Variants in PLBD2 observed in about 807,000 individuals in gnomAD.
The protein encoded by PLBD2 is putative aminopeptidase PLBD2.
Under a neutral mutation model 68.3 loss-of-function variants are expected in PLBD2, and 51 were observed. The ratio of observed to expected loss-of-function variants is 0.75; its 90% CI spans 0.60 to 0.94. The LOEUF is 0.94. PLBD2 is among the 40% of genes least tolerant of loss of function. The probability of loss-of-function intolerance (pLI) is 0.00; values close to 1 mark genes in which losing one functional copy is unlikely to be tolerated. For missense variants in PLBD2, 729 were observed against 792.2 expected (o/e 0.92, Z 0.96); for synonymous variants, 314 against 339.3 (o/e 0.93, Z 0.82).
At chr12:113,362,696 CCT>C (rs1480451196) in intron 1 of PLBD2, among the ~76,000 whole-genome samples, 1 of 151,822 alleles carries the variant, frequency 6.6e-6, no homozygotes, top group Non-Finnish European at 1.5e-5. Context: ...TTTGTCAACC[CCT>C]GTCAGCGTTT....
At chr12:113,376,235 C>A (rs1300538057) in intron 5 of PLBD2, among the ~76,000 whole-genome samples, 1 of 149,320 alleles carries the variant, frequency 6.7e-6, no homozygotes, top group Non-Finnish European at 1.5e-5. Flanking sequence ...ACAATCTCAG[C>A]TCACTGTGAC....
chr12:113,377,745 T>C (rs972572016), intron 5 of PLBD2, among the ~76,000 whole-genome samples: 6 of 152,382 alleles, frequency 3.9e-5, no homozygotes, highest in Admixed American at 6.5e-5. Flanking sequence ...AATCATGTAG[T>C]GTGTGCTCAT....
rs1014501770 is a variant in PLBD2, at chr12:113,358,689, T to C, written c.89T>C (p.Leu30Pro). 2.1e-6 allele frequency: 3 copies of C among 1,426,698 alleles called. No individual in the cohort carries two copies. The highest frequency in any genetic ancestry group is 1.8e-6 in the Non-Finnish European group (2 of 1,098,778). The allele number at this position is 1,426,698 out of a possible 1,614,324, so 88.4% of individuals were successfully genotyped here. A position where few individuals can be genotyped will look rare whatever the true frequency, so the allele number is the denominator to read the frequency against. The change falls in exon 1 of 12, where the codon CTG becomes CCG. Residue 30 changes from leucine (L) to proline (P), a missense_variant. By Grantham distance (98) the Leu-to-Pro change is moderately conservative. Coordinates refer to ENST00000280800, the MANE Select transcript of PLBD2 (RefSeq NM_173542.4). ...GCGCTGGCCCTGGTGCTGGCCCTGCTGGTCGGGCCGTTCCTGAGCGGCCTG... is the reference window on the plus strand; with the variant it reads ...GCGCTGGCCCTGGTGCTGGCCCTGCCGGTCGGGCCGTTCCTGAGCGGCCTG... ...ALALALVLAL[L>P]VGPFLSGLAG...
chr12:113,386,845 G>A, intron 9 of PLBD2, 92 bp from the exon 10 acceptor site: 2 of 1,465,460 alleles, frequency 1.4e-6, no homozygotes, highest in Non-Finnish European at 1.8e-6. Flanking sequence ...AAGTAATAAT[G>A]TCCTGGTGTG....
At chr12:113,381,071 C>T (rs1453213015) in intron 6 of PLBD2, among the ~76,000 whole-genome samples, 2 of 152,056 alleles carry the variant, frequency 1.3e-5, no homozygotes, top group Non-Finnish European at 2.9e-5. Flanking sequence ...ACCACAAGGG[C>T]GTGTTTAAAC....
chr12:113,383,219 C>A (rs758654883), intron 6 of PLBD2, among the ~76,000 whole-genome samples: 85 of 152,166 alleles, frequency 5.6e-4, no homozygotes, highest in Admixed American at 1.1e-3. Context: ...ACTGCTGCAT[C>A]TGCCAGGCTG....
intron 1 of PLBD2, among the ~76,000 whole-genome samples, chr12:113,364,695 C>G (rs1957327053): frequency 6.6e-6 from 1 of 152,144 alleles, no homozygotes; most frequent in South Asian, 2.1e-4. Flanking sequence ...CTCCTGGTCT[C>G]AAGTGATCCT....
intron 1 of PLBD2, among the ~76,000 whole-genome samples, chr12:113,364,114 G>A (rs1337446772): frequency 6.6e-6 from 1 of 152,222 alleles, no homozygotes; most frequent in Non-Finnish European, 1.5e-5. Context: ...GAGAAGTCCT[G>A]CTGTGAAGAA....
In PLBD2 at chr12:113,388,256, T is replaced by C. The variant is rs572838304; in HGVS notation, c.1603-203T>C. 8.3e-4 allele frequency among the ~76,000 whole-genome samples: 126 copies of C among 151,836 alleles called. 1 individual carries two copies. Among genetic ancestry groups the C allele is most frequent in the Non-Finnish European group, 7.4e-5 (5 of 67,934 alleles). On this transcript the variant is annotated intron_variant, in intron 11 of 11. Transcript: ENST00000280800. ...ACTCAGGAGGCTGAGGCATGAGAAT[T>C]GCTTGAACCCGGGAGGCAGAGGTTG...
At chr12:113,367,931 A>G (rs545875400) in intron 1 of PLBD2, among the ~76,000 whole-genome samples, 2 of 151,616 alleles carry the variant, frequency 1.3e-5, no homozygotes, top group East Asian at 3.9e-4. Context: ...AAAATACACA[A>G]ATTAGCTGGG....
chr12:113,384,551 G>A lies in PLBD2; in HGVS notation c.1118+286G>A, dbSNP rs1303245255. Among the ~76,000 whole-genome samples the A allele has an allele frequency of 6.6e-6, 1 of 152,154 alleles. No homozygotes were observed. The highest frequency in any genetic ancestry group is 1.5e-5 in the Non-Finnish European group (1 of 68,006). On this transcript the variant is annotated intron_variant, in intron 7 of 11. Transcript: ENST00000280800. The surrounding 1 kb of genome is among the most constrained non-coding windows in gnomAD (Gnocchi z 4.2). ...GGGAGGGCTGTTTGAGGAGGTGGACGTGGGTGGGTGGCAGGGCCTGTGAGC... is the reference window on the plus strand; with the variant it reads ...GGGAGGGCTGTTTGAGGAGGTGGACATGGGTGGGTGGCAGGGCCTGTGAGC...
intron 1 of PLBD2, among the ~76,000 whole-genome samples, chr12:113,365,169 G>C (rs1342345737): frequency 1.3e-5 from 2 of 152,176 alleles, no homozygotes; most frequent in African/African-American, 4.8e-5. Flanking sequence ...TAGAGGCGCA[G>C]AGCATTCACT....
intron 3 of PLBD2, among the ~76,000 whole-genome samples, chr12:113,373,115 T>C (rs1957404309): frequency 6.6e-6 from 1 of 152,054 alleles, no homozygotes; most frequent in South Asian, 2.1e-4. Flanking sequence ...ACAAGGGAGG[T>C]TGCTTGGTAG....
intron 1 of PLBD2, among the ~76,000 whole-genome samples, chr12:113,367,261 A>G (rs1957349633): frequency 6.6e-6 from 1 of 152,234 alleles, no homozygotes; most frequent in African/African-American, 2.4e-5. Flanking sequence ...AAGAAAATAT[A>G]TGTAACTCAA....
At chr12:113,360,978 G>A (rs1484649835) in intron 1 of PLBD2, among the ~76,000 whole-genome samples, 1 of 152,058 alleles carries the variant, frequency 6.6e-6, no homozygotes, top group Non-Finnish European at 1.5e-5. Context: ...CTTTCCCTTT[G>A]AGTTTGCCAG....
chr12:113,372,795 T>C lies in PLBD2; in HGVS notation c.531T>C (p.Pro177=), dbSNP rs769937222. The C allele has an allele frequency of 1.9e-5, 30 of 1,613,334 alleles. 1 individual carries two copies. In the South Asian group the frequency reaches 3.2e-4, roughly 17 times the overall value. The change falls in exon 3 of 12, where the codon CCT becomes CCC. Residue 177 remains proline, a synonymous_variant. Transcript: ENST00000280800. This position sits in a 1 kb window ranked among gnomAD's most constrained non-coding sequence, Gnocchi z 4.2. The part of the protein sequence containing the change: ...QEEMESNPDS[P]YWHQVRLTLL... The stretch of plus-strand genomic sequence containing the variant: ...AGATGGAGTCAAACCCAGACTCACC[T>C]TACTGGCACCAGGTGAGTCCTGCTG...
At chr12:113,367,765 A>G (rs1332406448) in intron 1 of PLBD2, among the ~76,000 whole-genome samples, 3 of 150,648 alleles carry the variant, frequency 2.0e-5, no homozygotes, top group South Asian at 2.1e-4. Flanking sequence ...AAAAAAAAAA[A>G]GAAAAAAGCC....
chr12:113,370,831 T>C (rs868736599), intron 2 of PLBD2, among the ~76,000 whole-genome samples: 1 of 152,198 alleles, frequency 6.6e-6, no homozygotes, highest in Non-Finnish European at 1.5e-5. Context: ...CAGCTTGTCA[T>C]GTGTACTTCA....
intron 2 of PLBD2, among the ~76,000 whole-genome samples, chr12:113,371,639 T>C (rs1957389789): frequency 6.6e-6 from 1 of 152,238 alleles, no homozygotes; most frequent in Non-Finnish European, 1.5e-5. Flanking sequence ...AAGTGGCTCT[T>C]ATGTCAGGAA....
Sources: allele counts gnomAD v4.1 joint callset (sites outside exome capture counted in the v4.1 genomes callset), GRCh38; gene constraint gnomAD v4.1.1; non-coding constraint Gnocchi (gnomAD v3.1); transcripts MANE v1.5; gene names NCBI Gene and HGNC (gene_info 2026-07-23, HGNC 2026-07-21).